The following NTM variants were observed in gnomAD, a reference collection of about 807,000 sequenced individuals.
NTM encodes the protein IgLON family member 2.
NTM carries 13 observed loss-of-function variants against 42.1 expected under a neutral mutation model. The ratio of observed to expected loss-of-function variants is 0.31; its 90% CI spans 0.20 to 0.49. NTM has a LOEUF of 0.49. Among genes scored for constraint, NTM ranks in the 20% least tolerant of loss-of-function variants. The pLI is 0.99. For missense variants in NTM, 373 were observed against 452.8 expected, an observed-to-expected ratio of 0.82 and a Z score of 1.60; for synonymous variants, 187 against 179.2, an observed-to-expected ratio of 1.04 and a Z score of -0.35.
intron 4 of NTM, among the ~76,000 whole-genome samples, chr11:132,247,929 C>T (rs1372374826): frequency 1.3e-5 from 2 of 152,166 alleles, no homozygotes; most frequent in Non-Finnish European, 2.9e-5. Context: ...TGAGAAAGGT[C>T]ATTTCCAGCT....
rs114297012 is a variant in NTM, at chr11:132,237,583, G to A, written c.526+25436G>A. Among the ~76,000 whole-genome samples the A allele has an allele frequency of 7.4e-4, 112 of 152,286 alleles. 1 individual carries two copies. Among genetic ancestry groups the A allele is most frequent in the African/African-American group, 2.4e-3 (98 of 41,560 alleles). ...GACATTCTCACTGCCTGACAAAGCC[G>A]CACTCAGTCTCAGCATCTCAGGCTG... is the stretch of plus-strand genomic sequence containing the variant. On this transcript the variant is annotated intron_variant, in intron 4 of 8. Coordinates refer to ENST00000683400, the MANE Select transcript of NTM (RefSeq NM_001352005.2).
chr11:132,082,060 A>AT (rs2059139526), intron 2 of NTM, among the ~76,000 whole-genome samples: 2 of 134,666 alleles, frequency 1.5e-5, no homozygotes, highest in East Asian at 3.9e-4. Context: ...GAATTAAAAG[A>AT]TAAAAAAAAA....
At chr11:131,808,555 A>T (rs1341698169) in intron 1 of NTM, among the ~76,000 whole-genome samples, 2 of 152,232 alleles carry the variant, frequency 1.3e-5, no homozygotes, top group East Asian at 1.9e-4. Flanking sequence ...TCTCATAGAG[A>T]TATGTACAAG....
chr11:131,419,513 T>C (rs1286429314), intron 1 of NTM, among the ~76,000 whole-genome samples: 1 of 151,860 alleles, frequency 6.6e-6, no homozygotes, highest in East Asian at 1.9e-4. Context: ...CAGAAGAGCA[T>C]TTCAGGCAGA....
rs368857349 is a variant in NTM at position 131,722,021 on chromosome 11, A to AAAAAAAAGAG, written c.83-189542_83-189541insAAAAAAGAGA. Among the ~76,000 whole-genome samples the AAAAAAAAGAG allele has an allele frequency of 1.2e-4, 13 of 112,746 alleles. 2 individuals carry two copies. The highest frequency in any genetic ancestry group is 4.1e-4 in the African/African-American group (12 of 29,372). 74.0% of individuals were successfully genotyped at this position (112,746 alleles called of 152,430 possible). Reference sequence around the variant, plus strand: ...CAAAAAAAAAAAAAAAAAAAAAAAAAAGAGAGAAAGAAAGAAAATAATGCT... The same window carrying AAAAAAAAGAG: ...CAAAAAAAAAAAAAAAAAAAAAAAAAAAAAAAAGAGAGAGAGAAAGAAAGAAAATAATGCT... On this transcript the variant is annotated intron_variant, in intron 1 of 8. Coordinates refer to ENST00000683400, the MANE Select transcript of NTM (RefSeq NM_001352005.2).
chr11:131,639,686 G>C (rs1022716613), intron 1 of NTM, among the ~76,000 whole-genome samples: 1 of 152,102 alleles, frequency 6.6e-6, no homozygotes, highest in East Asian at 1.9e-4. Context: ...GGCCCGGCGC[G>C]GTGGCTCACG....
At position 131,788,940 on chromosome 11, in the gene NTM, C is replaced by T. The variant is rs935483589; in HGVS notation, c.83-122624C>T. The stretch of plus-strand genomic sequence containing the variant: ...TCACCCTCGTTTCTTCTTCCTCACC[C>T]CTCCCTCCCTGCGGTCTCTGTTCTG... On this transcript the variant is annotated intron_variant, in intron 1 of 8. Transcript: ENST00000683400. 3.9e-5 allele frequency among the ~76,000 whole-genome samples: 6 copies of T among 152,132 alleles called. No homozygotes were observed. The South Asian group carries it at 8.3e-4, about 21-fold the overall frequency.
At chr11:131,768,280 G>T (rs965558157) in intron 1 of NTM, among the ~76,000 whole-genome samples, 1 of 151,954 alleles carries the variant, frequency 6.6e-6, no homozygotes, top group East Asian at 1.9e-4. Context: ...CACCATGCCC[G>T]GCTAATTTTG....
chr11:131,600,037 G>A (rs990794409), intron 1 of NTM, among the ~76,000 whole-genome samples: 1 of 152,208 alleles, frequency 6.6e-6, no homozygotes, highest in Non-Finnish European at 1.5e-5. Flanking sequence ...CTCCGAGGCG[G>A]CTCACCTCTG....
chr11:131,851,532 C>CGCGCGTGTGTGT (rs147213224), intron 1 of NTM, among the ~76,000 whole-genome samples: 43 of 146,806 alleles, frequency 2.9e-4, no homozygotes, highest in South Asian at 8.9e-4. Flanking sequence ...GTGAGAATGG[C>CGCGCGTGTGTGT]GTGTGTGTGT....
intron 2 of NTM, among the ~76,000 whole-genome samples, chr11:132,019,927 G>C (rs1387207046): frequency 6.6e-6 from 1 of 151,592 alleles, no homozygotes; most frequent in African/African-American, 2.4e-5. Flanking sequence ...TTTGGAATAT[G>C]ATTGAATCTC....
chr11:131,443,749 T>C (rs1949803098), intron 1 of NTM, among the ~76,000 whole-genome samples: 1 of 152,222 alleles, frequency 6.6e-6, no homozygotes, highest in Non-Finnish European at 1.5e-5. Flanking sequence ...CATCTTAAGA[T>C]GTCTTTATCT....
At chr11:131,760,585 G>A (rs751895053) in intron 1 of NTM, among the ~76,000 whole-genome samples, 2 of 152,184 alleles carry the variant, frequency 1.3e-5, no homozygotes, top group Non-Finnish European at 2.9e-5. Flanking sequence ...GTCAGGGGAA[G>A]CATCTCACAC....
chr11:132,143,157 G>T (rs753068646), intron 2 of NTM, among the ~76,000 whole-genome samples: 1 of 152,016 alleles, frequency 6.6e-6, no homozygotes, highest in Admixed American at 6.6e-5. Context: ...TTCATACCAG[G>T]GTCCTTTCCT....
chr11:132,270,566 A>G (rs947039470), intron 4 of NTM, among the ~76,000 whole-genome samples: 1 of 152,238 alleles, frequency 6.6e-6, no homozygotes, highest in Non-Finnish European at 1.5e-5. Flanking sequence ...TATTTGTCCA[A>G]AGAAATTTAG....
intron 1 of NTM, among the ~76,000 whole-genome samples, chr11:131,844,668 G>C (rs1194458731): frequency 6.6e-6 from 1 of 151,914 alleles, no homozygotes; most frequent in East Asian, 1.9e-4. Context: ...TGTAATTTTT[G>C]CTGGAAATCT....
intron 1 of NTM, among the ~76,000 whole-genome samples, chr11:131,813,491 C>T (rs1455442922): frequency 1.3e-5 from 2 of 152,022 alleles, no homozygotes; most frequent in Non-Finnish European, 2.9e-5. Flanking sequence ...GTAGGGAGTA[C>T]AGGAACTTAT....
chr11:132,329,690 A>G (rs928841732), intron 7 of NTM, among the ~76,000 whole-genome samples: 7 of 152,248 alleles, frequency 4.6e-5, no homozygotes, highest in Non-Finnish European at 5.9e-5. Context: ...CTACATTCAA[A>G]TGCTGTAGTA....
chr11:132,219,713 A>G (rs1457420950), intron 4 of NTM, among the ~76,000 whole-genome samples: 1 of 152,012 alleles, frequency 6.6e-6, no homozygotes, highest in Non-Finnish European at 1.5e-5. Flanking sequence ...TCCCACATGG[A>G]TATGACAAGG....
Sources: allele counts gnomAD v4.1 joint callset (sites outside exome capture counted in the v4.1 genomes callset), GRCh38; gene constraint gnomAD v4.1.1; transcripts MANE v1.5; gene names NCBI Gene and HGNC (gene_info 2026-07-23, HGNC 2026-07-21).